ASTN1: variants seen among roughly 807,000 people sequenced by gnomAD.
ASTN1 encodes astrotactin-1.
ASTN1 carries 41 observed loss-of-function variants against 140.7 expected under a neutral mutation model. The observed-to-expected ratio is 0.29, with a 90% CI of 0.23 to 0.38. The LOEUF is 0.38. ASTN1 is among the 10% of genes least tolerant of loss of function. The pLI is 1.00. For synonymous variants in ASTN1, 640 were observed against 652.2 expected (o/e 0.98, Z 0.29); for missense variants, 1,479 against 1,678.8 (o/e 0.88, Z 2.08).
chr1:177,099,866 A>G (rs967221052), intron 1 of ASTN1, among the ~76,000 whole-genome samples: 1 of 152,218 alleles, frequency 6.6e-6, no homozygotes, highest in Non-Finnish European at 1.5e-5. Flanking sequence ...GAAAAATCAT[A>G]TATTTTATTA....
chr1:177,079,786 A>C (rs1679089531), intron 1 of ASTN1, among the ~76,000 whole-genome samples: 2 of 152,180 alleles, frequency 1.3e-5, no homozygotes, highest in South Asian at 4.1e-4. Context: ...AAAGATAACA[A>C]AAGCTCAGAG....
At chr1:177,158,086 C>G (rs59367158) in intron 1 of ASTN1, among the ~76,000 whole-genome samples, 4,167 of 152,188 alleles carry the variant, frequency 0.027, 187 homozygotes, top group African/African-American at 0.093. Flanking sequence ...TAATGAAAAG[C>G]TAGAAGTGGA....
intron 9 of ASTN1, among the ~76,000 whole-genome samples, chr1:176,959,309 T>C (rs1468813356): frequency 6.6e-6 from 1 of 152,110 alleles, no homozygotes; most frequent in African/African-American, 2.4e-5. Flanking sequence ...GCTGTGGCAG[T>C]CTGGCATCCC....
chr1:176,975,385 A>G (rs1421851091), intron 8 of ASTN1, among the ~76,000 whole-genome samples: 4 of 152,212 alleles, frequency 2.6e-5, no homozygotes, highest in Admixed American at 2.6e-4. Flanking sequence ...ACGGAGCACT[A>G]TCCTGGGATT....
rs764862960 is a variant in ASTN1 at position 177,030,803 on chromosome 1, T to C, written c.1012+3A>G. On this transcript the variant is annotated splice_donor_region_variant and intron_variant, in intron 4 of 22. Transcript: ENST00000361833. ...CACGAGCCCTAATGTCAGACATGCA[T>C]ACCTCTTGCTTTGTTGTTGATCCGC... is the stretch of plus-strand genomic sequence containing the variant. 3 of 1,613,974 alleles carry C rather than the reference T, an allele frequency of 1.9e-6. No homozygotes were observed. Among genetic ancestry groups the C allele is most frequent in the Admixed American group, 3.3e-5 (2 of 60,006 alleles).
chr1:177,038,507 A>G (rs1439649557), intron 2 of ASTN1, among the ~76,000 whole-genome samples: 1 of 152,178 alleles, frequency 6.6e-6, no homozygotes, highest in Non-Finnish European at 1.5e-5. Context: ...GGAAGGAGGG[A>G]AGCAAAGAGG....
intron 2 of ASTN1, among the ~76,000 whole-genome samples, chr1:177,034,244 AACACACACAC>A (rs5778922): frequency 0.13 from 19,268 of 143,336 alleles, 1,556 homozygotes; most frequent in East Asian, 0.25. Context: ...TGAGCAAAGG[AACACACACAC>A]ACACACACAC....
chr1:177,074,377 C>G (rs1678788678), intron 1 of ASTN1, among the ~76,000 whole-genome samples: 1 of 152,104 alleles, frequency 6.6e-6, no homozygotes, highest in Admixed American at 6.6e-5. Context: ...TAGTAACTTA[C>G]CATTTTTTCA....
At chr1:176,987,225 A>C (rs1673947533) in intron 8 of ASTN1, among the ~76,000 whole-genome samples, 1 of 152,164 alleles carries the variant, frequency 6.6e-6, no homozygotes, top group South Asian at 2.1e-4. Flanking sequence ...CCAGACAATA[A>C]ATATTTTTGG....
chr1:177,090,821 G>T (rs954943522), intron 1 of ASTN1, among the ~76,000 whole-genome samples: 6 of 151,608 alleles, frequency 4.0e-5, no homozygotes, highest in Non-Finnish European at 8.8e-5. Flanking sequence ...AACTCCCAAG[G>T]CTCCCACATT....
intron 1 of ASTN1, among the ~76,000 whole-genome samples, chr1:177,093,112 T>A (rs1679845471): frequency 6.6e-6 from 1 of 152,168 alleles, no homozygotes; most frequent in Non-Finnish European, 1.5e-5. Flanking sequence ...TAGAAAAAAG[T>A]CTGGTACATG....
chr1:176,857,710 T>C (rs1325685990), downstream of ASTN1: 4 of 492,008 alleles, frequency 8.1e-6, no homozygotes, highest in East Asian at 6.9e-5. Context: ...CACTATGTGA[T>C]ACAGAACAGA....
chr1:176,942,822 A>G (rs932315), intron 14 of ASTN1, among the ~76,000 whole-genome samples: 7,126 of 21,070 alleles, frequency 0.34, 895 homozygotes, highest in African/African-American at 0.46. Context: ...GTGTGTGTGT[A>G]TATATATATA....
chr1:176,968,367 C>A (rs576267339), intron 8 of ASTN1, among the ~76,000 whole-genome samples: 1 of 152,186 alleles, frequency 6.6e-6, no homozygotes, highest in South Asian at 2.1e-4. Flanking sequence ...CCCTAAGGTG[C>A]AAATGCAATG....
intron 14 of ASTN1, among the ~76,000 whole-genome samples, chr1:176,941,835 C>A (rs192125589): frequency 6.6e-6 from 1 of 152,172 alleles, no homozygotes; most frequent in South Asian, 2.1e-4. Flanking sequence ...CCACCTCGCA[C>A]GTCTTCAAGG....
Position 176,862,205 on chromosome 1 carries a change from C to A in ASTN1, c.*2079G>T. The A allele has an allele frequency of 1.0e-6, 1 of 985,404 alleles. No individual in the cohort carries two copies. Among genetic ancestry groups the A allele is most frequent in the Non-Finnish European group, 1.2e-6 (1 of 829,944 alleles). The allele number at this position is 985,404 out of a possible 1,614,324, so 61.0% of individuals were successfully genotyped here. On this transcript the variant is annotated 3_prime_UTR_variant, in exon 23 of 23. Coordinates refer to ENST00000361833, the MANE Select transcript of ASTN1 (RefSeq NM_004319.3). ...TGGGACAGCCAATTTTTCTGCTGAT[C>A]TTTGCTTTGAAAGTAGGGGAATCTC... is the stretch of plus-strand genomic sequence containing the variant.
intron 16 of ASTN1, among the ~76,000 whole-genome samples, chr1:176,924,112 C>T (rs1432314711): frequency 6.6e-6 from 1 of 152,182 alleles, no homozygotes; most frequent in Non-Finnish European, 1.5e-5. Flanking sequence ...AGAAAATGCG[C>T]TAAACAAATT....
intron 8 of ASTN1, among the ~76,000 whole-genome samples, chr1:176,984,196 G>A (rs1673773826): frequency 1.3e-5 from 2 of 152,162 alleles, no homozygotes; most frequent in South Asian, 2.1e-4. Flanking sequence ...TCTCCACACC[G>A]CTGGTGCAGC....
chr1:176,883,231 C>CTTT (rs55903122), intron 19 of ASTN1, among the ~76,000 whole-genome samples: 12 of 130,496 alleles, frequency 9.2e-5, no homozygotes, highest in South Asian at 2.4e-4. Context: ...CTGAGAGCTT[C>CTTT]TTTTTTTTTT....
Sources: allele counts gnomAD v4.1 joint callset (sites outside exome capture counted in the v4.1 genomes callset), GRCh38; gene constraint gnomAD v4.1.1; transcripts MANE v1.5; gene names NCBI Gene and HGNC (gene_info 2026-07-23, HGNC 2026-07-21).